WFS1: variants seen among roughly 807,000 people sequenced by gnomAD.
WFS1 encodes the protein wolframin ER transmembrane glycoprotein.
WFS1 carries 90 observed loss-of-function variants against 68.5 expected under a neutral mutation model. That is an observed-to-expected ratio of 1.31 (90% CI 1.11 to 1.56). The LOEUF (loss-of-function observed/expected upper bound fraction) is 1.56, where lower values mean the gene tolerates loss of function less well. WFS1 is among the 40% of genes most tolerant of loss of function. The pLI is 0.00. For missense variants in WFS1, 1,767 were observed against 1,232.6 expected, an observed-to-expected ratio of 1.43 and a Z score of -6.49; for synonymous variants, 860 against 540.7, an observed-to-expected ratio of 1.59 and a Z score of -8.19.
rs200831572 is a variant in WFS1 at position 6,289,022 on chromosome 4, G to C, written c.351G>C (p.Thr117=). 2.5e-6 allele frequency: 4 copies of C among 1,607,876 alleles called. No individual in the cohort carries two copies. The highest frequency in any genetic ancestry group is 2.2e-5 in the East Asian group (1 of 44,718). The part of the protein sequence containing the change: ...GKHYLQLAGD[T]DEELNSCTAV... ...ACTACCTGCAGTTGGCCGGCGACAC[G>C]GATGAAGAACTCAACAGCTGCACCG... The change falls in exon 4 of 8, where the codon ACG becomes ACC. Residue 117 remains threonine, a synonymous_variant. Coordinates refer to ENST00000226760, the MANE Select transcript of WFS1 (RefSeq NM_006005.3).
chr4:6,285,763 G>T (rs577925797), intron 2 of WFS1, among the ~76,000 whole-genome samples: 1 of 152,306 alleles, frequency 6.6e-6, no homozygotes, highest in African/African-American at 2.4e-5. Flanking sequence ...AGCCTGGCAC[G>T]GTATGGTTCT....
Position 6,301,521 on chromosome 4 carries a change from G to C in WFS1, c.1726G>C (p.Gly576Arg). 6.2e-7 allele frequency: 1 copy of C among 1,613,806 alleles called. No homozygotes were observed. The highest frequency in any genetic ancestry group is 8.5e-7 in the Non-Finnish European group (1 of 1,180,022). Residue 576 changes from glycine (G) to arginine (R), a missense_variant, in exon 8 of 8, where the codon GGC becomes CGC. Physicochemically the swap from Gly to Arg is moderately radical, Grantham distance 125 (BLOSUM62 -2). Transcript: ENST00000226760. ...FLFALPILVA[G>R]LALVGVLQFA... is the part of the protein sequence containing the mutation. The stretch of plus-strand genomic sequence containing the variant: ...CTTTGCCCTCCCCATCCTGGTGGCC[G>C]GCCTGGCCCTGGTGGGCGTGCTGCA...
rs986994601 is a variant in WFS1, at chr4:6,283,758, G to A, written c.233-3335G>A. 2.0e-5 allele frequency among the ~76,000 whole-genome samples: 3 copies of A among 152,220 alleles called. No individual in the cohort carries two copies. Among genetic ancestry groups the A allele is most frequent in the East Asian group, 1.9e-4 (1 of 5,192 alleles). On this transcript the variant is annotated intron_variant, in intron 2 of 7. Transcript: ENST00000226760. This position sits in a 1 kb window ranked among gnomAD's most constrained non-coding sequence, Gnocchi z 5.0. ...CGGGCCTTCTGTGCAGCGCAGGGGA[G>A]GGGGCAGTGCCACCCAGACCATGAG...
At chr4:6,298,276 A>C (rs1730696157) in intron 7 of WFS1, among the ~76,000 whole-genome samples, 1 of 152,200 alleles carries the variant, frequency 6.6e-6, no homozygotes, top group Non-Finnish European at 1.5e-5. Context: ...GCGTCATACT[A>C]CAGGGGCTTG....
At chr4:6,281,425 G>A (rs1205479923) in intron 2 of WFS1, among the ~76,000 whole-genome samples, 1 of 152,128 alleles carries the variant, frequency 6.6e-6, no homozygotes, top group African/African-American at 2.4e-5. Flanking sequence ...TCGTGAGTGG[G>A]GCTCAGCTGT....
intron 7 of WFS1, among the ~76,000 whole-genome samples, chr4:6,298,691 C>T (rs1490594048): frequency 6.6e-6 from 1 of 152,074 alleles, no homozygotes; most frequent in Non-Finnish European, 1.5e-5. Flanking sequence ...CATGAGCCTG[C>T]CCCTCTCCTC....
intron 2 of WFS1, among the ~76,000 whole-genome samples, chr4:6,284,968 G>C (rs1730269466): frequency 6.6e-6 from 1 of 151,392 alleles, no homozygotes; most frequent in Non-Finnish European, 1.5e-5. Flanking sequence ...ACCACGCTGG[G>C]GGGCTGGCAG....
rs1730903384 is a variant in WFS1, at chr4:6,301,381, G to A, written c.1586G>A (p.Cys529Tyr). Residue 529 changes from cysteine (C) to tyrosine (Y), a missense_variant, in exon 8 of 8, where the codon TGC (cysteine) becomes TAC (tyrosine). Coordinates refer to ENST00000226760, the MANE Select transcript of WFS1 (RefSeq NM_006005.3). ...CTGAGGAATTTCAAGGGCACCTACT[G>A]CTACCTTGTGCCCTACCTGGTGTGC... ...AQLRNFKGTY[C>Y]YLVPYLVCFM... 3.1e-6 allele frequency: 5 copies of A among 1,612,478 alleles called. No individual in the cohort carries two copies. The highest frequency in any genetic ancestry group is 1.7e-5 in the Admixed American group (1 of 60,036).
chr4:6,276,175 C>A (rs1343136494), intron 1 of WFS1, among the ~76,000 whole-genome samples: 1 of 152,156 alleles, frequency 6.6e-6, no homozygotes, highest in Non-Finnish European at 1.5e-5. Context: ...CACAGCCTCA[C>A]ACAGCAGCAG....
intron 2 of WFS1, among the ~76,000 whole-genome samples, chr4:6,286,456 T>G (rs1466927957): frequency 6.6e-6 from 1 of 152,152 alleles, no homozygotes; most frequent in East Asian, 1.9e-4. Flanking sequence ...GACTTCCCAG[T>G]CTCCAGAATC....
Position 6,284,553 on chromosome 4 carries a change from C to T in WFS1, c.233-2540C>T, listed in dbSNP as rs906632464. 2.6e-5 allele frequency among the ~76,000 whole-genome samples: 4 copies of T among 151,974 alleles called. No individual in the cohort carries two copies. The East Asian group carries it at 7.8e-4, about 29-fold the overall frequency. On this transcript the variant is annotated intron_variant, in intron 2 of 7. Transcript: ENST00000226760. ...TTTAAAAAAGGGAAGAATAATATGA[C>T]TTGTGAACTTAGGTCAAGTAAGGAG...
intron 1 of WFS1, among the ~76,000 whole-genome samples, chr4:6,272,400 G>A (rs925333498): frequency 2.0e-5 from 3 of 152,192 alleles, no homozygotes; most frequent in African/African-American, 7.2e-5. Context: ...TCCTGTGAAT[G>A]TGCCACATTG....
At position 6,302,542 on chromosome 4, in the gene WFS1, G is replaced by A. The variant is rs1578613827; in HGVS notation, c.*74G>A. 6.3e-7 allele frequency: 1 copy of A among 1,596,380 alleles called. No individual in the cohort carries two copies. The highest frequency in any genetic ancestry group is 8.5e-7 in the Non-Finnish European group (1 of 1,174,794). ...TCCCCAGTGTGGCCCCAGCCCGACAGGCATGCACCAGTGCCGCCTGTGCCC... is the reference window on the plus strand; with the variant it reads ...TCCCCAGTGTGGCCCCAGCCCGACAAGCATGCACCAGTGCCGCCTGTGCCC... On this transcript the variant is annotated 3_prime_UTR_variant, in exon 8 of 8. Coordinates refer to ENST00000226760, the MANE Select transcript of WFS1 (RefSeq NM_006005.3).
intron 7 of WFS1, among the ~76,000 whole-genome samples, chr4:6,299,865 GTAGGGGTGGGCTGCA>G (rs1405316015): frequency 6.7e-5 from 9 of 135,126 alleles, no homozygotes; most frequent in African/African-American, 2.6e-4. Context: ...ATGCGTGTGT[GTAGGGGTGGGCTGCA>G]TGTGTGTGTG....
intron 2 of WFS1, among the ~76,000 whole-genome samples, chr4:6,282,329 G>C (rs1002441187): frequency 6.6e-6 from 1 of 152,248 alleles, no homozygotes; most frequent in African/African-American, 2.4e-5. Flanking sequence ...ACCACCCTGT[G>C]CCCTGTCTCT....
Position 6,292,100 on chromosome 4 carries a change from C to T in WFS1, c.712+103C>T, listed in dbSNP as rs183595682. On this transcript the variant is annotated intron_variant, in intron 6 of 7. Transcript: ENST00000226760. ...TCCATCCTGGCCTGCCCTATCTCAC[C>T]CGTGCCTCCCAGCCTGCGCCTGCAG... The T allele has an allele frequency of 7.3e-6, 9 of 1,233,452 alleles. No homozygotes were observed. The Admixed American group carries it at 1.6e-4, about 22-fold the overall frequency. The allele number at this position is 1,233,452 out of a possible 1,614,324, so 76.4% of individuals were successfully genotyped here.
intron 4 of WFS1, among the ~76,000 whole-genome samples, chr4:6,290,802 C>G (rs1363542459): frequency 6.6e-6 from 1 of 151,844 alleles, no homozygotes; most frequent in Non-Finnish European, 1.5e-5. Flanking sequence ...CCAGTGCACC[C>G]AGGCTGGTGA....
chr4:6,296,601 G>A (rs2109120611), intron 7 of WFS1, among the ~76,000 whole-genome samples: 1 of 152,348 alleles, frequency 6.6e-6, no homozygotes, highest in Non-Finnish European at 1.5e-5. Flanking sequence ...TGCTGGCATG[G>A]TTTTGGCAAA....
chr4:6,296,083 C>G (rs945180272), intron 7 of WFS1, among the ~76,000 whole-genome samples: 1 of 152,234 alleles, frequency 6.6e-6, no homozygotes, highest in African/African-American at 2.4e-5. Flanking sequence ...GAACTGCCAT[C>G]ATTGTATTCA....
Sources: gnomAD v4.1 joint callset for allele counts (sites outside exome capture counted in the v4.1 genomes callset) on GRCh38, gnomAD v4.1.1 for gene constraint, Gnocchi (gnomAD v3.1) non-coding constraint, MANE v1.5 for transcripts, NCBI Gene and HGNC (gene_info 2026-07-23, HGNC 2026-07-21) for gene names.